The following MAP4K4 variants were observed in gnomAD, a reference collection of about 807,000 sequenced individuals.
MAP4K4 encodes HPK/GCK-like kinase HGK.
Under a neutral mutation model 189.6 loss-of-function variants are expected in MAP4K4, and 38 were observed. The ratio of observed to expected loss-of-function variants is 0.20; its 90% CI spans 0.15 to 0.26. MAP4K4 has a LOEUF of 0.26. MAP4K4 is among the 10% of genes least tolerant of loss of function. The pLI is 1.00. For synonymous variants in MAP4K4, 610 were observed against 624.3 expected (o/e 0.98, Z 0.34); for missense variants, 1,054 against 1,726.9 (o/e 0.61, Z 6.91).
rs1278702803 is a variant in MAP4K4 at position 101,698,322 on chromosome 2, G to T, written c.58-151G>T. 6.5e-6 allele frequency: 5 copies of T among 774,726 alleles called. No homozygotes were observed. The Admixed American group carries it at 1.3e-4, about 20-fold the overall frequency. The allele number at this position is 774,726 out of a possible 1,614,324, so 48.0% of individuals were successfully genotyped here. A position where few individuals can be genotyped will look rare whatever the true frequency, so the allele number is the denominator to read the frequency against. ...CTACCCTCTACCGCCCCCACGCCCC[G>T]AGCCCGCCGCGCGACCCCCGGGCGC... On this transcript the variant is annotated intron_variant, in intron 1 of 32. Coordinates refer to ENST00000324219, the Ensembl canonical transcript of MAP4K4.
intron 3 of MAP4K4, among the ~76,000 whole-genome samples, chr2:101,798,900 C>A (rs2094089346): frequency 1.3e-5 from 2 of 152,286 alleles, no homozygotes; most frequent in South Asian, 4.1e-4. Flanking sequence ...TAACATTAAT[C>A]ATAAATAACA....
At chr2:101,855,285 C>T (rs36055100) in intron 12 of MAP4K4, among the ~76,000 whole-genome samples, 60,396 of 152,128 alleles carry the variant, frequency 0.4, 13,271 homozygotes, top group Non-Finnish European at 0.48. Flanking sequence ...TGGGGGCTTG[C>T]TGGCTGTGTG....
intron 3 of MAP4K4, among the ~76,000 whole-genome samples, chr2:101,815,156 C>G (rs746661671): frequency 2.6e-5 from 4 of 152,114 alleles, no homozygotes; most frequent in Admixed American, 6.5e-5. Flanking sequence ...TTTCAAACAT[C>G]ATTTTTGTAG....
chr2:101,699,620 G>A (rs1215131253), intron 2 of MAP4K4, among the ~76,000 whole-genome samples: 1 of 152,134 alleles, frequency 6.6e-6, no homozygotes, highest in South Asian at 2.1e-4. Context: ...GTTGGAAGCC[G>A]ACTGTAGACC....
intron 4 of MAP4K4, 140 bp downstream of exon 4, chr2:101,824,193 C>T: frequency 2.5e-6 from 2 of 787,912 alleles, no homozygotes; most frequent in East Asian, 3.1e-5. Flanking sequence ...GTTCTAAAGG[C>T]TTCCTTGGCT....
intron 12 of MAP4K4, among the ~76,000 whole-genome samples, chr2:101,855,354 G>A (rs1209734482): frequency 6.6e-6 from 1 of 152,224 alleles, no homozygotes; most frequent in Non-Finnish European, 1.5e-5. Flanking sequence ...AAGCAGGGAT[G>A]AAATAATGAC....
intron 2 of MAP4K4, among the ~76,000 whole-genome samples, chr2:101,735,991 T>C (rs1485986024): frequency 6.6e-6 from 1 of 152,206 alleles, no homozygotes; most frequent in Non-Finnish European, 1.5e-5. Context: ...GTGTTTTCCC[T>C]GTTAAACTTT....
intron 27 of MAP4K4, among the ~76,000 whole-genome samples, chr2:101,880,709 A>T (rs998607551): frequency 6.6e-6 from 1 of 152,006 alleles, no homozygotes; most frequent in African/African-American, 2.4e-5. Flanking sequence ...GGGTTTCACC[A>T]TGTTGGTCAG....
chr2:101,828,483 A>G (rs1215190223), intron 5 of MAP4K4, among the ~76,000 whole-genome samples: 3 of 152,216 alleles, frequency 2.0e-5, no homozygotes, highest in Non-Finnish European at 4.4e-5. Context: ...TGAAAAATAA[A>G]CAGAGCTGTC....
intron 2 of MAP4K4, among the ~76,000 whole-genome samples, chr2:101,761,520 TAATTCAG>T (rs2076382758): frequency 6.6e-6 from 1 of 151,638 alleles, no homozygotes; most frequent in Non-Finnish European, 1.5e-5. Context: ...TACAGGCAGG[TAATTCAG>T]TTATGGGGAG....
chr2:101,882,435 T>C (rs1473298763), intron 27 of MAP4K4, 116 bp from the exon 28 acceptor site: 3 of 719,702 alleles, frequency 4.2e-6, no homozygotes, highest in Non-Finnish European at 6.2e-6. Flanking sequence ...GTGACTTGCC[T>C]TTCACTAGGT....
chr2:101,698,671 G>A, intron 2 of MAP4K4, 133 bp downstream of exon 2: 3 of 766,370 alleles, frequency 3.9e-6, no homozygotes, highest in Non-Finnish European at 4.5e-6. Context: ...GGTTTCTTTC[G>A]CCTTGCAGTC....
At position 101,871,475 on chromosome 2, in the gene MAP4K4, G is replaced by A; in HGVS notation, c.2761-19G>A. The A allele has an allele frequency of 6.6e-7, 1 of 1,522,104 alleles. No individual in the cohort carries two copies. Among genetic ancestry groups the A allele is most frequent in the Middle Eastern group, 1.7e-4 (1 of 5,938 alleles). 94.3% of individuals were successfully genotyped at this position (1,522,104 alleles called of 1,614,324 possible). On this transcript the variant is annotated intron_variant, in intron 23 of 32. Transcript: ENST00000324219. ...TTAGCAGCGCTTGAGCGAGACAAGTGTGCCTGTTTTTTCTACAGAGTACAG... is the reference window on the plus strand; with the variant it reads ...TTAGCAGCGCTTGAGCGAGACAAGTATGCCTGTTTTTTCTACAGAGTACAG...
chr2:101,743,172 G>A (rs1024750854), intron 2 of MAP4K4, among the ~76,000 whole-genome samples: 1 of 152,136 alleles, frequency 6.6e-6, no homozygotes, highest in Non-Finnish European at 1.5e-5. Flanking sequence ...CTTGGGGAGT[G>A]TGGCAAGGTG....
intron 3 of MAP4K4, among the ~76,000 whole-genome samples, chr2:101,792,947 T>C (rs561666764): frequency 2.6e-5 from 4 of 152,334 alleles, no homozygotes; most frequent in African/African-American, 7.2e-5. Flanking sequence ...TGCTACCTTA[T>C]GATAGCTGTT....
chr2:101,760,744 C>A (rs559143733), intron 2 of MAP4K4, among the ~76,000 whole-genome samples: 49 of 152,258 alleles, frequency 3.2e-4, no homozygotes, highest in Middle Eastern at 6.8e-3. Context: ...TGGCTCACGC[C>A]TGTAATCCCA....
intron 13 of MAP4K4, 106 bp from the exon 14 acceptor site, chr2:101,858,890 T>C: frequency 1.4e-6 from 1 of 735,154 alleles, no homozygotes; most frequent in East Asian, 2.6e-5. Flanking sequence ...ACTAAGTGAA[T>C]TGTCACTAAA....
chr2:101,869,589 G>A, intron 21 of MAP4K4, 33 bp from the exon 22 acceptor site: 2 of 1,558,140 alleles, frequency 1.3e-6, no homozygotes, highest in Non-Finnish European at 1.8e-6. Flanking sequence ...GCTCCTGCTT[G>A]CCTTACTCTC....
At chr2:101,770,368 C>T (rs1471521572) in intron 2 of MAP4K4, among the ~76,000 whole-genome samples, 1 of 151,622 alleles carries the variant, frequency 6.6e-6, no homozygotes, top group Non-Finnish European at 1.5e-5. Flanking sequence ...CCTGCCTCAG[C>T]CTCCCGAGTA....
Sources: allele counts gnomAD v4.1 joint callset (sites outside exome capture counted in the v4.1 genomes callset), GRCh38; gene constraint gnomAD v4.1.1; transcripts MANE v1.5; gene names NCBI Gene and HGNC (gene_info 2026-07-23, HGNC 2026-07-21).